Variants in RND3 observed in about 807,000 individuals in gnomAD.
The protein encoded by RND3 is rho-related GTP-binding protein RhoE.
A neutral mutation model predicts 26.5 loss-of-function variants in RND3; 8 were observed. The ratio of observed to expected loss-of-function variants is 0.30; its 90% CI spans 0.18 to 0.54. The LOEUF is 0.54. RND3 is among the 20% of genes least tolerant of loss of function. RND3 has a pLI of 0.94. For synonymous variants in RND3, 113 were observed against 113.0 expected (o/e 1.00, Z 0.00); for missense variants, 207 against 302.8 (o/e 0.68, Z 2.35).
chr2:150,487,345 T>C lies in RND3; in HGVS notation c.73A>G (p.Lys25Glu). Residue 25 changes from lysine (K) to glutamate (E), a missense_variant, in exon 2 of 6, where the codon AAG (lysine) becomes GAG (glutamate). Physicochemically the swap from Lys to Glu is moderately conservative, Grantham distance 56. Transcript: ENST00000263895. ...IMDPNQNVKCKIVVVGDSQCG... is the reference protein window; with the variant it reads ...IMDPNQNVKCEIVVVGDSQCG... ...TGACTGTCTCCCACCACAACTATCT[T>C]GCATTTCACGTTCTGATTAGGATCC... The C allele has an allele frequency of 6.2e-7, 1 of 1,606,740 alleles. No individual in the cohort carries two copies. Among genetic ancestry groups the C allele is most frequent in the Non-Finnish European group, 8.5e-7 (1 of 1,176,310 alleles).
intron 3 of RND3, among the ~76,000 whole-genome samples, chr2:150,478,197 A>T (rs1686198764): frequency 6.6e-6 from 1 of 152,054 alleles, no homozygotes; most frequent in Non-Finnish European, 1.5e-5. Context: ...AGGATAAAAA[A>T]AAAAACAAAG....
chr2:150,472,875 C>T (rs1170352982), intron 4 of RND3, among the ~76,000 whole-genome samples: 1 of 152,118 alleles, frequency 6.6e-6, no homozygotes, highest in Non-Finnish European at 1.5e-5. Flanking sequence ...CTAGAGGAGA[C>T]ATCTCCAAAT....
chr2:150,476,054 T>C (rs573545524), intron 3 of RND3, among the ~76,000 whole-genome samples: 5 of 152,304 alleles, frequency 3.3e-5, no homozygotes, highest in Admixed American at 3.3e-4. Flanking sequence ...TTCCGTATGC[T>C]GACATTTCAC....
intron 3 of RND3, among the ~76,000 whole-genome samples, chr2:150,477,079 C>T (rs773334296): frequency 6.6e-6 from 1 of 152,194 alleles, no homozygotes; most frequent in East Asian, 1.9e-4. Context: ...CCTCAAAGTC[C>T]GCGAGAGACA....
At position 150,474,996 on chromosome 2, in the gene RND3, C is replaced by T. The variant is rs965246380; in HGVS notation, c.239-12G>A. On this transcript the variant is annotated splice_polypyrimidine_tract_variant and intron_variant, in intron 3 of 5. Transcript: ENST00000263895. ...ATAGTAAGGAGAACCTGAGAAGAAACAAAGACACACAAATTTTCAGATGAG... is the reference window on the plus strand; with the variant it reads ...ATAGTAAGGAGAACCTGAGAAGAAATAAAGACACACAAATTTTCAGATGAG... 2 of 1,525,630 alleles carry T rather than the reference C, an allele frequency of 1.3e-6. No individual in the cohort carries two copies. The highest frequency in any genetic ancestry group is 1.8e-6 in the Non-Finnish European group (2 of 1,100,118). 94.5% of individuals were successfully genotyped at this position (1,525,630 alleles called of 1,614,324 possible).
At position 150,487,252 on chromosome 2, in the gene RND3, G is replaced by A. The variant is rs1462353902; in HGVS notation, c.150+16C>T. The A allele has an allele frequency of 3.8e-6, 6 of 1,564,186 alleles. No homozygotes were observed. The highest frequency in any genetic ancestry group is 5.2e-6 in the Non-Finnish European group (6 of 1,154,610). On this transcript the variant is annotated intron_variant, in intron 2 of 5. Transcript: ENST00000263895. ...TGGCCGACCCCCTCGTGGAAGCCGC[G>A]GCCGGCCACACTCACCTCGGGGAAG...
chr2:150,478,394 C>T (rs1244317433), intron 3 of RND3, among the ~76,000 whole-genome samples: 2 of 150,370 alleles, frequency 1.3e-5, no homozygotes, highest in African/African-American at 4.9e-5. Flanking sequence ...CGTGAGACAA[C>T]GCATGCCAAA....
Position 150,469,659 on chromosome 2 carries a change from A to C in RND3, c.*328T>G, listed in dbSNP as rs1686048902. 1 of 222,378 alleles carries C rather than the reference A, an allele frequency of 4.5e-6. No homozygotes were observed. Among genetic ancestry groups the C allele is most frequent in the Non-Finnish European group, 8.6e-6 (1 of 116,674 alleles). The allele number at this position is 222,378 out of a possible 1,614,324, so 13.8% of individuals were successfully genotyped here. A position where few individuals can be genotyped will look rare whatever the true frequency, so the allele number is the denominator to read the frequency against. On this transcript the variant is annotated 3_prime_UTR_variant, in exon 6 of 6. Coordinates refer to ENST00000263895, the MANE Select transcript of RND3 (RefSeq NM_005168.5). Reference sequence around the variant, plus strand: ...AGATTATAACAAAAAAAAAAAACCCAAAAATGCAAGCACCATTCAGAGTGT... The same window carrying C: ...AGATTATAACAAAAAAAAAAAACCCCAAAATGCAAGCACCATTCAGAGTGT...
At chr2:150,475,715 A>G (rs893677500) in intron 3 of RND3, among the ~76,000 whole-genome samples, 8 of 152,228 alleles carry the variant, frequency 5.3e-5, no homozygotes, top group Non-Finnish European at 1.0e-4. Context: ...ACTTATCGCC[A>G]AACCCTATAT....
chr2:150,486,635 G>A lies in RND3; in HGVS notation c.238+59C>T, dbSNP rs1686369485. On this transcript the variant is annotated intron_variant, in intron 3 of 5. Transcript: ENST00000263895. The surrounding 1 kb of genome is among the most constrained non-coding windows in gnomAD (Gnocchi z 4.5). ...AGCGCGCGGTTTCCCGAGACCCGCC[G>A]CGCATCCCCCAGCGACTGGAAACCC... The A allele has an allele frequency of 3.3e-6, 4 of 1,221,466 alleles. No individual in the cohort carries two copies. Among genetic ancestry groups the A allele is most frequent in the African/African-American group, 1.5e-5 (1 of 67,104 alleles). The allele number at this position is 1,221,466 out of a possible 1,614,324, so 75.7% of individuals were successfully genotyped here. A position where few individuals can be genotyped will look rare whatever the true frequency, so the allele number is the denominator to read the frequency against.
At chr2:150,473,420 A>G (rs1686116862) in intron 4 of RND3, among the ~76,000 whole-genome samples, 1 of 152,168 alleles carries the variant, frequency 6.6e-6, no homozygotes, top group Non-Finnish European at 1.5e-5. Context: ...TCTAGTAAAT[A>G]AGCAACCCCT....
chr2:150,469,671 A>T lies in RND3; in HGVS notation c.*316T>A, dbSNP rs992722344. 3.5e-6 allele frequency: 1 copy of T among 284,290 alleles called. No individual in the cohort carries two copies. The highest frequency in any genetic ancestry group is 2.2e-5 in the African/African-American group (1 of 45,016). 17.6% of individuals were successfully genotyped at this position (284,290 alleles called of 1,614,324 possible). On this transcript the variant is annotated 3_prime_UTR_variant, in exon 6 of 6. Coordinates refer to ENST00000263895, the MANE Select transcript of RND3 (RefSeq NM_005168.5). ...AAAAAAAAAACCCAAAAATGCAAGC[A>T]CCATTCAGAGTGTGATTTTTCTTCT...
In RND3 at chr2:150,469,097, C is replaced by G. The variant is rs1686038575; in HGVS notation, c.*890G>C. On this transcript the variant is annotated 3_prime_UTR_variant, in exon 6 of 6. Transcript: ENST00000263895. The stretch of plus-strand genomic sequence containing the variant: ...CACTCATTACCTTTTCTGGTGAAAA[C>G]AGTAACTACCTTTTTTCTCTCCTTG... 6.6e-6 allele frequency: 1 copy of G among 152,582 alleles called. No homozygotes were observed. Among genetic ancestry groups the G allele is most frequent in the Admixed American group, 6.5e-5 (1 of 15,270 alleles). The allele number at this position is 152,582 out of a possible 1,614,324, so 9.5% of individuals were successfully genotyped here. A position where few individuals can be genotyped will look rare whatever the true frequency, so the allele number is the denominator to read the frequency against.
chr2:150,487,148 A>T, intron 2 of RND3, 120 bp downstream of exon 2: 1 of 722,274 alleles, frequency 1.4e-6, no homozygotes, highest in Non-Finnish European at 2.0e-6. Flanking sequence ...ACCGAGAAAG[A>T]CTTTTTTTTT....
At chr2:150,487,153 T>A in intron 2 of RND3, 115 bp downstream of exon 2, 1 of 783,926 alleles carries the variant, frequency 1.3e-6, no homozygotes, top group East Asian at 3.0e-5. Flanking sequence ...GAAAGACTTT[T>A]TTTTTTCTTT....
Position 150,469,759 on chromosome 2 carries a change from T to A in RND3, c.*228A>T. 2 of 514,066 alleles carry A rather than the reference T, an allele frequency of 3.9e-6. No homozygotes were observed. The highest frequency in any genetic ancestry group is 6.1e-5 in the South Asian group (2 of 32,596). 31.8% of individuals were successfully genotyped at this position (514,066 alleles called of 1,614,324 possible). ...CATTTGTATCTCTCATTTTTTGGCATATTTTTCAAGTCACACTTAAAAACT... is the reference window on the plus strand; with the variant it reads ...CATTTGTATCTCTCATTTTTTGGCAAATTTTTCAAGTCACACTTAAAAACT... On this transcript the variant is annotated 3_prime_UTR_variant, in exon 6 of 6. Coordinates refer to ENST00000263895, the MANE Select transcript of RND3 (RefSeq NM_005168.5).
rs1347236922 is a variant in RND3 at position 150,471,695 on chromosome 2, G to A, written c.415C>T (p.Leu139=). Residue 139 remains leucine, a synonymous_variant, in exon 5 of 6, where the codon CTG becomes TTG. Coordinates refer to ENST00000263895, the MANE Select transcript of RND3 (RefSeq NM_005168.5). Reference sequence around the variant, plus strand: ...ACTAATGTACTAACATCTGTCCGCAGATCAGACTTGCAGCCGACCAAGAGC... The same window carrying A: ...ACTAATGTACTAACATCTGTCCGCAAATCAGACTTGCAGCCGACCAAGAGC... ...KMLLVGCKSD[L]RTDVSTLVEL... The A allele has an allele frequency of 1.9e-6, 3 of 1,613,060 alleles. No individual in the cohort carries two copies. Among genetic ancestry groups the A allele is most frequent in the Middle Eastern group, 1.6e-4 (1 of 6,078 alleles).
At chr2:150,480,798 T>C (rs1686257806) in intron 3 of RND3, among the ~76,000 whole-genome samples, 1 of 152,210 alleles carries the variant, frequency 6.6e-6, no homozygotes, top group Admixed American at 6.5e-5. Flanking sequence ...GTACTGCTTA[T>C]TGGAAACCAC....
At chr2:150,470,626 G>A (rs1019019653) in intron 5 of RND3, among the ~76,000 whole-genome samples, 1 of 152,180 alleles carries the variant, frequency 6.6e-6, no homozygotes, top group African/African-American at 2.4e-5. Flanking sequence ...GCAAGCAAGA[G>A]TTAACTGGTT....
Sources: gnomAD v4.1 joint callset for allele counts (sites outside exome capture counted in the v4.1 genomes callset) on GRCh38, gnomAD v4.1.1 for gene constraint, Gnocchi (gnomAD v3.1) non-coding constraint, MANE v1.5 for transcripts, NCBI Gene and HGNC (gene_info 2026-07-23, HGNC 2026-07-21) for gene names.